TBC1D2: variants seen among roughly 807,000 people sequenced by gnomAD.
The protein encoded by TBC1D2 is TBC1 domain family member 2A.
In TBC1D2, 58 loss-of-function variants were observed where a neutral mutation model predicts 91.1. That is an observed-to-expected ratio of 0.64 (90% CI 0.52 to 0.79). TBC1D2 has a LOEUF of 0.79. TBC1D2 is among the 30% of genes least tolerant of loss of function. The pLI is 0.00. For missense variants in TBC1D2, 1,080 were observed against 1,208.3 expected (o/e 0.89, Z 1.57); for synonymous variants, 482 against 511.5 (o/e 0.94, Z 0.78).
intron 5 of TBC1D2, among the ~76,000 whole-genome samples, chr9:98,224,901 G>C (rs1829193668): frequency 6.6e-6 from 1 of 152,094 alleles, no homozygotes; most frequent in Non-Finnish European, 1.5e-5. Flanking sequence ...CATGAATGGG[G>C]CTAAAGCTTC....
intron 3 of TBC1D2, among the ~76,000 whole-genome samples, chr9:98,239,645 T>C (rs150829660): frequency 5.6e-4 from 85 of 152,334 alleles, no homozygotes; most frequent in African/African-American, 2.0e-3. Flanking sequence ...ATGATGTCTT[T>C]GTTTGGTTTT....
chr9:98,221,150 C>A lies in TBC1D2; in HGVS notation c.1057G>T (p.Ala353Ser), dbSNP rs1231395525. The change falls in exon 6 of 13, where the codon GCT becomes TCT. Residue 353 changes from alanine (A) to serine (S), a missense_variant. Coordinates refer to ENST00000465784, the MANE Select transcript of TBC1D2 (RefSeq NM_001267571.2). ...KRASSAYLAAAEDKDRLELVR... is the reference protein window; with the variant it reads ...KRASSAYLAASEDKDRLELVR... ...AGCTCCAGCCGGTCCTTGTCCTCAG[C>A]CGCCGCCAGGTATGCGCTGGACGCC... is the stretch of plus-strand genomic sequence containing the variant. 10 of 1,577,564 alleles carry A rather than the reference C, an allele frequency of 6.3e-6. No individual in the cohort carries two copies. Among genetic ancestry groups the A allele is most frequent in the Non-Finnish European group, 8.6e-6 (10 of 1,162,052 alleles).
In TBC1D2 at chr9:98,224,374, C is replaced by A. The variant is rs139776274; in HGVS notation, c.979-3146G>T. Among the ~76,000 whole-genome samples the A allele has an allele frequency of 4.6e-3, 694 of 150,706 alleles. 7 individuals carry two copies. The highest frequency in any genetic ancestry group is 0.016 in the African/African-American group (642 of 40,960). On this transcript the variant is annotated intron_variant, in intron 5 of 12. Transcript: ENST00000465784. ...CACGGCCCACCGCAGCCTCAACCTC[C>A]TGGGCTCAAGAGATTCTCTTGCCTC...
In TBC1D2 at chr9:98,229,095, T is replaced by C. The variant is rs1263685755; in HGVS notation, c.835A>G (p.Ser279Gly). The stretch of plus-strand genomic sequence containing the variant: ...TGGCGCTTGGCTTTCTGAGCGAAAC[T>C]GATGGTCAGAGAAGGCTTGGGTGCA... ...KPAPKPSLTISFAQKAKRQNN... is the reference protein window; with the variant it reads ...KPAPKPSLTIGFAQKAKRQNN... Residue 279 changes from serine (S) to glycine (G), a missense_variant, in exon 5 of 13, where the codon AGT becomes GGT. Coordinates refer to ENST00000465784, the MANE Select transcript of TBC1D2 (RefSeq NM_001267571.2). 3 of 1,614,230 alleles carry C rather than the reference T, an allele frequency of 1.9e-6. No individual in the cohort carries two copies. The South Asian group carries it at 3.3e-5, about 18-fold the overall frequency.
intron 6 of TBC1D2, chr9:98,213,511 C>T: frequency 1.1e-6 from 1 of 892,752 alleles, no homozygotes; most frequent in South Asian, 2.3e-5. Context: ...GTTTCCTCAT[C>T]TGTAAAAGGG....
intron 2 of TBC1D2, among the ~76,000 whole-genome samples, chr9:98,250,625 G>T (rs1362560696): frequency 2.0e-5 from 3 of 152,118 alleles, no homozygotes; most frequent in Non-Finnish European, 4.4e-5. Flanking sequence ...ATGGGGAGAA[G>T]GGTTGGGGCA....
intron 9 of TBC1D2, 118 bp downstream of exon 9, chr9:98,208,550 C>T: frequency 1.0e-6 from 1 of 976,598 alleles, no homozygotes; most frequent in Non-Finnish European, 1.5e-6. Context: ...CCACTGCTCA[C>T]CTCCTGCTGT....
At chr9:98,250,057 A>T (rs910485477) in intron 2 of TBC1D2, among the ~76,000 whole-genome samples, 2 of 152,154 alleles carry the variant, frequency 1.3e-5, no homozygotes, top group African/African-American at 4.8e-5. Context: ...TCTCCCTTGA[A>T]GTGTTTGAAA....
chr9:98,224,522 A>G (rs1829184635), intron 5 of TBC1D2, among the ~76,000 whole-genome samples: 1 of 151,962 alleles, frequency 6.6e-6, no homozygotes, highest in South Asian at 2.1e-4. Context: ...GGCTCAAGAG[A>G]TCCTCCCACC....
intron 2 of TBC1D2, among the ~76,000 whole-genome samples, chr9:98,246,562 T>G (rs1486763627): frequency 6.6e-6 from 1 of 151,894 alleles, no homozygotes; most frequent in African/African-American, 2.4e-5. Context: ...GTGAGAAGAA[T>G]AAAAGCAGAA....
In TBC1D2 at chr9:98,228,862, G is replaced by A. The variant is rs1034714899; in HGVS notation, c.978+90C>T. 23 of 1,281,774 alleles carry A rather than the reference G, an allele frequency of 1.8e-5. No individual in the cohort carries two copies. The highest frequency in any genetic ancestry group is 9.3e-5 in the East Asian group (4 of 43,052). The allele number at this position is 1,281,774 out of a possible 1,614,324, so 79.4% of individuals were successfully genotyped here. The stretch of plus-strand genomic sequence containing the variant: ...CCAGAGAGTAGCTGGTGCCCAGCAC[G>A]GCTAATGCGTCCCATCTAGCTTATC... On this transcript the variant is annotated intron_variant, in intron 5 of 12. Transcript: ENST00000465784. This position sits in a 1 kb window ranked among gnomAD's most constrained non-coding sequence, Gnocchi z 4.0.
At chr9:98,205,329 T>A (rs1460152686) in intron 9 of TBC1D2, among the ~76,000 whole-genome samples, 2 of 152,186 alleles carry the variant, frequency 1.3e-5, no homozygotes, top group Non-Finnish European at 2.9e-5. Flanking sequence ...TGCTCAGGTG[T>A]ATGGCTGAAT....
rs1300513364 is a variant in TBC1D2, at chr9:98,199,285, T to A, written c.*96A>T. 2.6e-5 allele frequency: 35 copies of A among 1,358,584 alleles called. No individual in the cohort carries two copies. Among genetic ancestry groups the A allele is most frequent in the Non-Finnish European group, 2.9e-5 (28 of 967,136 alleles). The allele number at this position is 1,358,584 out of a possible 1,614,324, so 84.2% of individuals were successfully genotyped here. On this transcript the variant is annotated 3_prime_UTR_variant, in exon 13 of 13. Coordinates refer to ENST00000465784, the MANE Select transcript of TBC1D2 (RefSeq NM_001267571.2). ...GGACATGTCCAAGGTCACATGGTGA[T>A]GGGACACCCAGGGCTGGGCCACTGG...
At chr9:98,223,833 T>C (rs1444466224) in intron 5 of TBC1D2, among the ~76,000 whole-genome samples, 1 of 152,090 alleles carries the variant, frequency 6.6e-6, no homozygotes, top group Non-Finnish European at 1.5e-5. Context: ...ACTTGTAAGA[T>C]GAGGAGTGAG....
intron 5 of TBC1D2, among the ~76,000 whole-genome samples, chr9:98,224,974 G>C (rs796514776): frequency 5.9e-5 from 9 of 152,186 alleles, no homozygotes; most frequent in Non-Finnish European, 1.0e-4. Context: ...TCCCCAAGCT[G>C]ACATGGCCAA....
intron 6 of TBC1D2, among the ~76,000 whole-genome samples, chr9:98,214,104 C>T (rs1470140073): frequency 2.0e-5 from 3 of 152,252 alleles, no homozygotes; most frequent in Non-Finnish European, 4.4e-5. Context: ...AGGGTATTTA[C>T]TGGCTGAAAC....
intron 5 of TBC1D2, among the ~76,000 whole-genome samples, chr9:98,226,483 C>T (rs1034140953): frequency 7.9e-5 from 12 of 152,192 alleles, no homozygotes; most frequent in Non-Finnish European, 1.8e-4. Context: ...CTCCAGTAAA[C>T]ACGGCTGCAA....
chr9:98,223,707 A>G (rs1010270416), intron 5 of TBC1D2, among the ~76,000 whole-genome samples: 4 of 152,220 alleles, frequency 2.6e-5, no homozygotes, highest in African/African-American at 9.6e-5. Flanking sequence ...GGCTCCCAGA[A>G]TCTAAGACTG....
At position 98,254,554 on chromosome 9, in the gene TBC1D2, T is replaced by C. The variant is rs76635812; in HGVS notation, c.369+619A>G. 2.6e-3 allele frequency among the ~76,000 whole-genome samples: 393 copies of C among 152,366 alleles called. 2 individuals are homozygous for C. The highest frequency in any genetic ancestry group is 9.3e-3 in the African/African-American group (386 of 41,586). On this transcript the variant is annotated intron_variant, in intron 1 of 12. Coordinates refer to ENST00000465784, the MANE Select transcript of TBC1D2 (RefSeq NM_001267571.2). ...CTGATTTCAAAGAATGTGGCCTTTCTACTGCTTTAGGCTTTCTCAGTTACA... is the reference window on the plus strand; with the variant it reads ...CTGATTTCAAAGAATGTGGCCTTTCCACTGCTTTAGGCTTTCTCAGTTACA...
Sources: gnomAD v4.1 joint callset for allele counts (sites outside exome capture counted in the v4.1 genomes callset) on GRCh38, gnomAD v4.1.1 for gene constraint, Gnocchi (gnomAD v3.1) non-coding constraint, MANE v1.5 for transcripts, NCBI Gene and HGNC (gene_info 2026-07-23, HGNC 2026-07-21) for gene names.